The following CLMP variants were observed in gnomAD, a reference collection of about 807,000 sequenced individuals.
The protein encoded by CLMP is CXADR-like membrane protein.
Under a neutral mutation model 45.2 loss-of-function variants are expected in CLMP, and 27 were observed. The ratio of observed to expected loss-of-function variants is 0.60; its 90% CI spans 0.44 to 0.82. The LOEUF (loss-of-function observed/expected upper bound fraction) is 0.82. Among genes scored for constraint, CLMP ranks in the 40% least tolerant of loss-of-function variants. The pLI is 0.00. For missense variants in CLMP, 403 were observed against 448.4 expected (o/e 0.90, Z 0.91); for synonymous variants, 167 against 171.4 (o/e 0.97, Z 0.20).
rs1239842122 is a variant in CLMP, at chr11:123,110,658, C to T, written c.29-12706G>A. 2.6e-5 allele frequency among the ~76,000 whole-genome samples: 4 copies of T among 152,008 alleles called. No homozygotes were observed. In the South Asian group the frequency reaches 8.3e-4, roughly 32 times the overall value. ...GTTGGTACAAAGACCAAGGTGACAA[C>T]CTGAGCTGCGGGCGTCAGTCAAGGG... On this transcript the variant is annotated intron_variant, in intron 1 of 6. Coordinates refer to ENST00000448775, the MANE Select transcript of CLMP (RefSeq NM_024769.5).
Position 123,077,104 on chromosome 11 carries a change from T to G in CLMP, c.680-2261A>C, listed in dbSNP as rs186827506. Among the ~76,000 whole-genome samples, 587 of 150,716 alleles carry G rather than the reference T, an allele frequency of 3.9e-3. 4 individuals are homozygous for G. The highest frequency in any genetic ancestry group is 5.1e-3 in the Non-Finnish European group (347 of 67,798). ...ACCTCCGCGTCCCGGGTTCAAGTGA[T>G]TCTCCTGCCTCAGTTTCCTAAGTAG... On this transcript the variant is annotated intron_variant, in intron 5 of 6. Transcript: ENST00000448775.
intron 1 of CLMP, among the ~76,000 whole-genome samples, chr11:123,178,743 T>C (rs1861730957): frequency 6.6e-6 from 1 of 152,172 alleles, no homozygotes; most frequent in Non-Finnish European, 1.5e-5. Flanking sequence ...GGTTTTTGAG[T>C]AGCAGGAGGA....
chr11:123,181,731 C>T (rs1157678684), intron 1 of CLMP, among the ~76,000 whole-genome samples: 2 of 152,204 alleles, frequency 1.3e-5, no homozygotes, highest in Non-Finnish European at 2.9e-5. Flanking sequence ...GAAAACAATA[C>T]ACACAGAAGA....
chr11:123,078,219 C>T (rs1448398182), intron 5 of CLMP, among the ~76,000 whole-genome samples: 2 of 152,002 alleles, frequency 1.3e-5, no homozygotes, highest in Non-Finnish European at 2.9e-5. Context: ...TGCAATTTTG[C>T]ATCTGAAATA....
At chr11:123,172,794 T>G (rs1861653485) in intron 1 of CLMP, among the ~76,000 whole-genome samples, 1 of 152,190 alleles carries the variant, frequency 6.6e-6, no homozygotes, top group Non-Finnish European at 1.5e-5. Context: ...CCAATAAACA[T>G]TTTTTTACAT....
chr11:123,185,544 C>A (rs1861823033), intron 1 of CLMP, among the ~76,000 whole-genome samples: 1 of 152,188 alleles, frequency 6.6e-6, no homozygotes, highest in African/African-American at 2.4e-5. Context: ...GAGAGGTGGC[C>A]TCGTTTCCGG....
intron 1 of CLMP, among the ~76,000 whole-genome samples, chr11:123,167,709 C>T (rs941164808): frequency 1.2e-4 from 19 of 152,200 alleles, no homozygotes; most frequent in African/African-American, 4.6e-4. Flanking sequence ...AGCCCCAGCT[C>T]TGAATACGTC....
At chr11:123,106,022 G>A (rs912069258) in intron 1 of CLMP, among the ~76,000 whole-genome samples, 5 of 151,786 alleles carry the variant, frequency 3.3e-5, no homozygotes, top group African/African-American at 1.2e-4. Flanking sequence ...TCACCATGTT[G>A]GCCAGGCTGG....
chr11:123,083,014 A>C (rs1481847048), intron 5 of CLMP, 71 bp downstream of exon 5: 1 of 1,561,134 alleles, frequency 6.4e-7, no homozygotes, highest in African/African-American at 1.4e-5. Flanking sequence ...TTATGATTAG[A>C]ATGTCTTAAC....
At chr11:123,132,851 C>T in intron 1 of CLMP, among the ~76,000 whole-genome samples, 1 of 151,952 alleles carries the variant, frequency 6.6e-6, no homozygotes, top group East Asian at 1.9e-4. Context: ...GTGATCTCCG[C>T]TCACTGCAAC....
At chr11:123,141,699 G>T (rs1038426939) in intron 1 of CLMP, among the ~76,000 whole-genome samples, 1 of 152,214 alleles carries the variant, frequency 6.6e-6, no homozygotes, top group Admixed American at 6.5e-5. Context: ...TCTGTGAAAT[G>T]CTAAGGTGTT....
Position 123,150,580 on chromosome 11 carries a change from G to A in CLMP, c.28+44333C>T, listed in dbSNP as rs12271221. 1.1e-3 allele frequency among the ~76,000 whole-genome samples: 73 copies of A among 64,288 alleles called. 1 individual carries two copies. Among genetic ancestry groups the A allele is most frequent in the African/African-American group, 4.6e-3 (39 of 8,432 alleles). 42.2% of individuals were successfully genotyped at this position (64,288 alleles called of 152,430 possible). Reference sequence around the variant, plus strand: ...GGAAGGAAAGGAAGGAAGGAAGGAAGGAAAGGAAGGAAGGAAGGAAGGAAT... The same window carrying A: ...GGAAGGAAAGGAAGGAAGGAAGGAAAGAAAGGAAGGAAGGAAGGAAGGAAT... On this transcript the variant is annotated intron_variant, in intron 1 of 6. Coordinates refer to ENST00000448775, the MANE Select transcript of CLMP (RefSeq NM_024769.5).
At chr11:123,137,308 C>T (rs1225693961) in intron 1 of CLMP, among the ~76,000 whole-genome samples, 1 of 151,666 alleles carries the variant, frequency 6.6e-6, no homozygotes, top group Non-Finnish European at 1.5e-5. Context: ...CACCCGCCAC[C>T]ACGCCCGGCT....
At chr11:123,135,677 T>C (rs1861061879) in intron 1 of CLMP, among the ~76,000 whole-genome samples, 1 of 152,238 alleles carries the variant, frequency 6.6e-6, no homozygotes, top group South Asian at 2.1e-4. Context: ...TAGGCTAATT[T>C]CTAAACAGAT....
intron 2 of CLMP, among the ~76,000 whole-genome samples, chr11:123,095,369 A>G (rs1405608034): frequency 6.6e-6 from 1 of 151,952 alleles, no homozygotes; most frequent in Non-Finnish European, 1.5e-5. Flanking sequence ...CTCAGCTCCA[A>G]GCTATTCTCC....
At chr11:123,114,160 C>T (rs145575762) in intron 1 of CLMP, among the ~76,000 whole-genome samples, 81 of 152,254 alleles carry the variant, frequency 5.3e-4, no homozygotes, top group African/African-American at 1.9e-3. Flanking sequence ...TAAAAATAGA[C>T]ACAGACTTAC....
At chr11:123,086,260 G>A (rs1865864772) in intron 2 of CLMP, among the ~76,000 whole-genome samples, 1 of 152,188 alleles carries the variant, frequency 6.6e-6, no homozygotes, top group Admixed American at 6.5e-5. Flanking sequence ...GATTAACAAG[G>A]AAAGACTATT....
intron 5 of CLMP, among the ~76,000 whole-genome samples, chr11:123,078,747 C>T (rs1293162842): frequency 1.3e-5 from 2 of 149,960 alleles, no homozygotes; most frequent in Non-Finnish European, 3.0e-5. Context: ...CGGGTTCACA[C>T]CATTCTCCTG....
rs191335851 is a variant in CLMP, at chr11:123,175,785, G to A, written c.28+19128C>T. On this transcript the variant is annotated intron_variant, in intron 1 of 6. Coordinates refer to ENST00000448775, the MANE Select transcript of CLMP (RefSeq NM_024769.5). ...ATATATTGAAGAAACTTGAGAGGAAGATGTTTGTCATCTAGATCCTGCATA... is the reference window on the plus strand; with the variant it reads ...ATATATTGAAGAAACTTGAGAGGAAAATGTTTGTCATCTAGATCCTGCATA... Among the ~76,000 whole-genome samples, 31 of 152,332 alleles carry A rather than the reference G, an allele frequency of 2.0e-4. No individual in the cohort carries two copies. In the East Asian group the frequency reaches 6.0e-3, roughly 29 times the overall value.
Sources: allele counts gnomAD v4.1 joint callset (sites outside exome capture counted in the v4.1 genomes callset), GRCh38; gene constraint gnomAD v4.1.1; transcripts MANE v1.5; gene names NCBI Gene and HGNC (gene_info 2026-07-23, HGNC 2026-07-21).